ANO2: variants seen among roughly 807,000 people sequenced by gnomAD.
ANO2 encodes the protein anoctamin 2, also known as anoctamin-2.
In ANO2, 101 loss-of-function variants were observed where a neutral mutation model predicts 124.2. The observed-to-expected ratio is 0.81, with a 90% CI of 0.69 to 0.96. The LOEUF (loss-of-function observed/expected upper bound fraction) is 0.96, where lower values mean the gene tolerates loss of function less well. ANO2 is among the 40% of genes least tolerant of loss of function. The pLI is 0.00. For missense variants in ANO2, 1,293 were observed against 1,274.5 expected, an observed-to-expected ratio of 1.01 and a Z score of -0.22; for synonymous variants, 486 against 482.5, an observed-to-expected ratio of 1.01 and a Z score of -0.09.
At chr12:5,762,290 C>A (rs77852945) in intron 10 of ANO2, among the ~76,000 whole-genome samples, 4,356 of 151,958 alleles carry the variant, frequency 0.029, 80 homozygotes, top group South Asian at 0.066. Context: ...AACTAAAATA[C>A]CTGGGTCTGT....
intron 9 of ANO2, among the ~76,000 whole-genome samples, chr12:5,803,957 G>A (rs1226155791): frequency 6.6e-6 from 1 of 152,174 alleles, no homozygotes; most frequent in East Asian, 1.9e-4. Flanking sequence ...GTAAGGAAGA[G>A]TGAAGGAGAA....
chr12:5,670,559 G>C (rs1040032796), intron 14 of ANO2, among the ~76,000 whole-genome samples: 2 of 152,016 alleles, frequency 1.3e-5, no homozygotes, highest in African/African-American at 2.4e-5. Flanking sequence ...TTTAGAGATG[G>C]GGTCTCACTC....
At chr12:5,923,210 CCACATACACACA>C (rs1941892309) in intron 1 of ANO2, among the ~76,000 whole-genome samples, 5 of 136,948 alleles carry the variant, frequency 3.7e-5, no homozygotes, top group Admixed American at 3.6e-4. Context: ...GCACACACAC[CCACATACACACA>C]CACATGCACA....
At chr12:5,884,726 T>C (rs2137303220) in intron 3 of ANO2, among the ~76,000 whole-genome samples, 1 of 152,340 alleles carries the variant, frequency 6.6e-6, no homozygotes, top group Admixed American at 6.5e-5. Flanking sequence ...TAGGACAATA[T>C]GCTGGACCTG....
chr12:5,597,525 C>T (rs1394047723), intron 20 of ANO2, among the ~76,000 whole-genome samples: 1 of 152,168 alleles, frequency 6.6e-6, no homozygotes, highest in African/African-American at 2.4e-5. Context: ...GTATTCTTTG[C>T]TATTATGAAC....
At chr12:5,856,217 C>T (rs1046812166) in intron 3 of ANO2, 3 of 152,218 alleles carry the variant, frequency 2.0e-5, no homozygotes, top group Non-Finnish European at 4.4e-5. Context: ...ATCCCTCTCG[C>T]TAAGAGGAGA....
At chr12:5,807,265 C>G (rs1474363428) in intron 8 of ANO2, 48 bp downstream of exon 8, 14 of 1,508,566 alleles carry the variant, frequency 9.3e-6, no homozygotes, top group Non-Finnish European at 1.2e-5. Context: ...TTGTGGTTTT[C>G]AAAGTTTTGA....
intron 14 of ANO2, among the ~76,000 whole-genome samples, chr12:5,695,702 C>A (rs574882388): frequency 3.9e-5 from 6 of 152,224 alleles, no homozygotes; most frequent in South Asian, 4.2e-4. Flanking sequence ...TTAGTTGGGC[C>A]TGGTGGCGCG....
At chr12:5,887,549 C>G (rs1939017654) in intron 3 of ANO2, among the ~76,000 whole-genome samples, 1 of 152,216 alleles carries the variant, frequency 6.6e-6, no homozygotes, top group Non-Finnish European at 1.5e-5. Context: ...CTCAACTAGC[C>G]TTATCACTGG....
At chr12:5,754,492 T>C (rs1951522923) in intron 10 of ANO2, among the ~76,000 whole-genome samples, 1 of 152,200 alleles carries the variant, frequency 6.6e-6, no homozygotes, top group African/African-American at 2.4e-5. Context: ...AGTATTGGTA[T>C]TAATTTTTCT....
intron 4 of ANO2, among the ~76,000 whole-genome samples, chr12:5,852,209 G>A (rs926122803): frequency 2.0e-5 from 3 of 152,182 alleles, no homozygotes; most frequent in African/African-American, 7.2e-5. Flanking sequence ...ATGAGCTAAA[G>A]AGAAGCAGAG....
In ANO2 at chr12:5,563,215, G is replaced by C. The variant is rs1419556336; in HGVS notation, c.*84C>G. The C allele has an allele frequency of 8.1e-6, 12 of 1,486,216 alleles. No individual in the cohort carries two copies. The highest frequency in any genetic ancestry group is 1.1e-5 in the Non-Finnish European group (12 of 1,116,712). 92.1% of individuals were successfully genotyped at this position (1,486,216 alleles called of 1,614,324 possible). A position where few individuals can be genotyped will look rare whatever the true frequency, so the allele number is the denominator to read the frequency against. ...CAAGCCAGGCCCCTGCAGACAGACAGCACGCCATGTGGGTGTAGGAACATG... is the reference window on the plus strand; with the variant it reads ...CAAGCCAGGCCCCTGCAGACAGACACCACGCCATGTGGGTGTAGGAACATG... On this transcript the variant is annotated 3_prime_UTR_variant, in exon 25 of 25. Coordinates refer to ENST00000682330, the MANE Select transcript of ANO2 (RefSeq NM_001364791.2).
intron 16 of ANO2, among the ~76,000 whole-genome samples, chr12:5,623,068 G>A (rs1945206640): frequency 6.6e-6 from 1 of 152,092 alleles, no homozygotes; most frequent in Admixed American, 6.6e-5. Flanking sequence ...GACATCTGAG[G>A]TTCAGGAAGG....
chr12:5,591,476 G>A (rs1943390351), intron 20 of ANO2, among the ~76,000 whole-genome samples: 1 of 152,140 alleles, frequency 6.6e-6, no homozygotes, highest in Non-Finnish European at 1.5e-5. Flanking sequence ...CCTGCAATGT[G>A]GGTTCAGTTC....
chr12:5,870,459 A>G (rs752905225), intron 3 of ANO2: 1 of 152,262 alleles, frequency 6.6e-6, no homozygotes, highest in Non-Finnish European at 1.5e-5. Context: ...ACAGCATTGA[A>G]CTATGAAGGT....
At chr12:5,907,642 A>G (rs960121707) in intron 3 of ANO2, among the ~76,000 whole-genome samples, 2 of 152,228 alleles carry the variant, frequency 1.3e-5, no homozygotes, top group African/African-American at 2.4e-5. Context: ...GGGGGAAAAA[A>G]AAAGGAAAAT....
chr12:5,601,166 T>C (rs1943920442), intron 19 of ANO2, among the ~76,000 whole-genome samples: 1 of 152,108 alleles, frequency 6.6e-6, no homozygotes, highest in Non-Finnish European at 1.5e-5. Context: ...GAGAAATAAA[T>C]ATTAACTTGC....
chr12:5,742,774 G>A (rs985611758), intron 12 of ANO2, among the ~76,000 whole-genome samples: 4 of 152,122 alleles, frequency 2.6e-5, no homozygotes, highest in African/African-American at 7.2e-5. Context: ...AATCAGTTCA[G>A]GTGGATCTTG....
rs114210905 is a variant in ANO2, at chr12:5,899,706, G to A, written c.534+21334C>T. On this transcript the variant is annotated intron_variant, in intron 3 of 24. Transcript: ENST00000682330. ...CAAACCAGGGATGCAAAGGTCCCTC[G>A]GATTCCAGATAACTGTTCTTAGAAC... Among the ~76,000 whole-genome samples the A allele has an allele frequency of 3.4e-3, 513 of 152,260 alleles. 4 individuals carry two copies. Among genetic ancestry groups the A allele is most frequent in the African/African-American group, 0.011 (474 of 41,550 alleles).
Sources: gnomAD v4.1 joint callset for allele counts (sites outside exome capture counted in the v4.1 genomes callset) on GRCh38, gnomAD v4.1.1 for gene constraint, MANE v1.5 for transcripts, NCBI Gene and HGNC (gene_info 2026-07-23, HGNC 2026-07-21) for gene names.